MFSD2B: variants seen among roughly 807,000 people sequenced by gnomAD.
MFSD2B encodes the protein MFSD2 lysolipid transporter B, sphingolipid, also known as sphingosine-1-phosphate transporter MFSD2B.
In MFSD2B, 56 loss-of-function variants were observed where a neutral mutation model predicts 58.4. That is an observed-to-expected ratio of 0.96 (90% CI 0.77 to 1.20). MFSD2B has a LOEUF of 1.20. Ranked by LOEUF, MFSD2B falls within the 50% of genes most tolerant of loss-of-function variation. The pLI, the probability that MFSD2B is intolerant of heterozygous loss-of-function variation, is 0.00. For missense variants in MFSD2B, 645 were observed against 667.6 expected, an observed-to-expected ratio of 0.97 and a Z score of 0.37; for synonymous variants, 287 against 294.4, an observed-to-expected ratio of 0.97 and a Z score of 0.26.
Position 24,025,736 on chromosome 2 carries a change from G to A in MFSD2B, c.*280G>A, listed in dbSNP as rs1662958602. Reference sequence around the variant, plus strand: ...GAAAAAGGAAGCTCCTGCCCAACCTGGCTTGTGGACCAGTAATATCTGTGG... The same window carrying A: ...GAAAAAGGAAGCTCCTGCCCAACCTAGCTTGTGGACCAGTAATATCTGTGG... On this transcript the variant is annotated 3_prime_UTR_variant, in exon 14 of 14. Transcript: ENST00000338315. The A allele has an allele frequency of 2.3e-6, 1 of 426,868 alleles. No homozygotes were observed. The allele number at this position is 426,868 out of a possible 1,614,324, so 26.4% of individuals were successfully genotyped here.
Position 24,010,117 on chromosome 2 carries a change from A to G in MFSD2B, c.21A>G (p.Pro7=), listed in dbSNP as rs543378642. The change falls in exon 1 of 14, where the codon CCA becomes CCG. Residue 7 remains proline, a synonymous_variant. Coordinates refer to ENST00000338315, the MANE Select transcript of MFSD2B (RefSeq NM_001346880.2). MAAPPA[P]AAKGSPQPEP... ...TGGCAATGGCGGCGCCCCCTGCACC[A>G]GCCGCCAAGGGGTCCCCGCAGCCGG... is the stretch of plus-strand genomic sequence containing the variant. The G allele has an allele frequency of 6.7e-4, 984 of 1,460,810 alleles. 5 individuals carry two copies. The Middle Eastern group carries it at 0.011, about 17-fold the overall frequency. The allele number at this position is 1,460,810 out of a possible 1,614,324, so 90.5% of individuals were successfully genotyped here.
Position 24,021,895 on chromosome 2 carries a change from G to T in MFSD2B, c.819G>T (p.Gly273=), listed in dbSNP as rs1206332479. 3.1e-6 allele frequency: 5 copies of T among 1,613,978 alleles called. No homozygotes were observed. Among genetic ancestry groups the T allele is most frequent in the Non-Finnish European group, 1.7e-6 (2 of 1,179,882 alleles). Residue 273 remains glycine, a synonymous_variant, in exon 8 of 14, where the codon GGG becomes GGT. Transcript: ENST00000338315. The surrounding 1 kb of genome is among the most constrained non-coding windows in gnomAD (Gnocchi z 5.7). ...ASGPGLSFLA[G]LSLTTRHPPY... ...GCCCAGGCTTGAGTTTCCTGGCTGG[G>T]CTGAGCCTCACTACCCGGCACCCAC...
Position 24,022,078 on chromosome 2 carries a change from G to A in MFSD2B, c.894+108G>A. The stretch of plus-strand genomic sequence containing the variant: ...GTTTTATAGGGAGAAACCTGCGGCT[G>A]GCACATGGCTCAGAGGGGCTGGTGC... On this transcript the variant is annotated intron_variant, in intron 8 of 13. Transcript: ENST00000338315. This position sits in a 1 kb window ranked among gnomAD's most constrained non-coding sequence, Gnocchi z 4.5. 1 of 1,334,444 alleles carries A rather than the reference G, an allele frequency of 7.5e-7. No homozygotes were observed. The highest frequency in any genetic ancestry group is 1.8e-5 in the Admixed American group (1 of 54,792). 82.7% of individuals were successfully genotyped at this position (1,334,444 alleles called of 1,614,324 possible).
rs546935421 is a variant in MFSD2B, at chr2:24,012,537, C to T, written c.97-748C>T. 8.5e-5 allele frequency among the ~76,000 whole-genome samples: 13 copies of T among 152,266 alleles called. No individual in the cohort carries two copies. The highest frequency in any genetic ancestry group is 2.4e-4 in the African/African-American group (10 of 41,550). On this transcript the variant is annotated intron_variant, in intron 1 of 13. Coordinates refer to ENST00000338315, the MANE Select transcript of MFSD2B (RefSeq NM_001346880.2). This position sits in a 1 kb window ranked among gnomAD's most constrained non-coding sequence, Gnocchi z 4.5. ...GGGTTTATAGGGATGAGCCACTGTG[C>T]GATTTATGTTATTACAAGAGCACTG... is the stretch of plus-strand genomic sequence containing the variant.
chr2:24,019,347 C>T (rs781754262), intron 6 of MFSD2B, among the ~76,000 whole-genome samples: 5 of 152,054 alleles, frequency 3.3e-5, no homozygotes, highest in African/African-American at 4.8e-5. Context: ...CAAGCCCTCC[C>T]GGGGATTCTG....
Position 24,024,037 on chromosome 2 carries a change from CACCCAG to C in MFSD2B, c.1314-57_1314-52del. 3.2e-6 allele frequency: 5 copies of C among 1,562,726 alleles called. No homozygotes were observed. The highest frequency in any genetic ancestry group is 4.5e-5 in the East Asian group (2 of 44,430). On this transcript the variant is annotated intron_variant, in intron 12 of 13. Transcript: ENST00000338315. This position sits in a 1 kb window ranked among gnomAD's most constrained non-coding sequence, Gnocchi z 4.3. ...GGTGGGGTGAGGTGTCGAGTCCCTC[CACCCAG>C]GGTGCCAGGCTCAGCAGGCCCTGCC...
chr2:24,012,174 AC>A lies in MFSD2B; in HGVS notation c.97-1110del, dbSNP rs367658749. On this transcript the variant is annotated intron_variant, in intron 1 of 13. Transcript: ENST00000338315. The surrounding 1 kb of genome is among the most constrained non-coding windows in gnomAD (Gnocchi z 4.5). ...AAAACACACACACACACACACACACACACACAAAAACAGACAAAAAAACCCT... is the reference window on the plus strand; with the variant it reads ...AAAACACACACACACACACACACACAACACAAAAACAGACAAAAAAACCCT... Among the ~76,000 whole-genome samples the A allele has an allele frequency of 8.5e-3, 379 of 44,528 alleles. 7 individuals are homozygous for A. Among genetic ancestry groups the A allele is most frequent in the African/African-American group, 0.014 (253 of 18,226 alleles). 29.2% of individuals were successfully genotyped at this position (44,528 alleles called of 152,430 possible).
Position 24,010,131 on chromosome 2 carries a change from C to T in MFSD2B, c.35C>T (p.Ser12Phe). 3 of 1,462,556 alleles carry T rather than the reference C, an allele frequency of 2.1e-6. No individual in the cohort carries two copies. The highest frequency in any genetic ancestry group is 1.8e-6 in the Non-Finnish European group (2 of 1,113,872). 90.6% of individuals were successfully genotyped at this position (1,462,556 alleles called of 1,614,324 possible). A position where few individuals can be genotyped will look rare whatever the true frequency, so the allele number is the denominator to read the frequency against. Residue 12 changes from serine (S) to phenylalanine (F), a missense_variant, in exon 1 of 14, where the codon TCC becomes TTC. Ser to Phe is a radical substitution (Grantham distance 155). Transcript: ENST00000338315. The part of the protein sequence containing the change: ...AAPPAPAAKG[S>F]PQPEPHAPEP... ...CCCCCTGCACCAGCCGCCAAGGGGT[C>T]CCCGCAGCCGGAGCCGCACGCCCCA...
Position 24,022,983 on chromosome 2 carries a change from G to A in MFSD2B, c.1059+81G>A. 7.1e-7 allele frequency: 1 copy of A among 1,403,364 alleles called. No homozygotes were observed. The highest frequency in any genetic ancestry group is 1.0e-6 in the Non-Finnish European group (1 of 1,004,954). The allele number at this position is 1,403,364 out of a possible 1,614,324, so 86.9% of individuals were successfully genotyped here. ...GTGACCTTGGTGCCTGAGCCTCCTG[G>A]GGCCAGCAGGGGTGGATCTGTGTTC... On this transcript the variant is annotated intron_variant, in intron 10 of 13. Transcript: ENST00000338315. This position sits in a 1 kb window ranked among gnomAD's most constrained non-coding sequence, Gnocchi z 4.5.
At chr2:24,010,254 T>G in intron 1 of MFSD2B, 62 bp downstream of exon 1, 1 of 1,227,130 alleles carries the variant, frequency 8.1e-7, no homozygotes, top group Admixed American at 4.1e-5. Flanking sequence ...GGGCGTCGCC[T>G]CGCAGCCCCT....
At chr2:24,013,039 G>T in intron 1 of MFSD2B, 1 of 360,562 alleles carries the variant, frequency 2.8e-6, no homozygotes, top group Non-Finnish European at 5.0e-6. Context: ...GGCTTCAGCA[G>T]GAAGCCCAGG....
chr2:24,011,172 G>T (rs1373870011), intron 1 of MFSD2B, among the ~76,000 whole-genome samples: 1 of 152,240 alleles, frequency 6.6e-6, no homozygotes, highest in African/African-American at 2.4e-5. Flanking sequence ...CTCCCAAGGG[G>T]CTTCTCCTTG....
chr2:24,020,421 C>A lies in MFSD2B; in HGVS notation c.682-1227C>A, dbSNP rs924297326. Among the ~76,000 whole-genome samples the A allele has an allele frequency of 1.3e-5, 2 of 152,154 alleles. No individual in the cohort carries two copies. The highest frequency in any genetic ancestry group is 2.9e-5 in the Non-Finnish European group (2 of 68,016). ...CCAGGGCGGTTGCACAGGATGAGTG[C>A]CCTGCCCCACCCTGCGCCCTCCCTC... On this transcript the variant is annotated intron_variant, in intron 6 of 13. Transcript: ENST00000338315. This position sits in a 1 kb window ranked among gnomAD's most constrained non-coding sequence, Gnocchi z 4.1.
intron 6 of MFSD2B, among the ~76,000 whole-genome samples, chr2:24,019,836 A>G (rs769627833): frequency 6.6e-6 from 1 of 152,210 alleles, no homozygotes; most frequent in African/African-American, 2.4e-5. Flanking sequence ...GTGTCCACTA[A>G]GCACCTGGAT....
At chr2:24,013,737 C>T (rs1199075286) in intron 2 of MFSD2B, among the ~76,000 whole-genome samples, 1 of 137,972 alleles carries the variant, frequency 7.2e-6, no homozygotes, top group African/African-American at 2.8e-5. Context: ...TGTAAACTTT[C>T]TTAAAACAGT....
chr2:24,017,063 T>TGC lies in MFSD2B; in HGVS notation c.471+95_471+96insGC. The TGC allele has an allele frequency of 1.4e-6, 2 of 1,452,140 alleles. No individual in the cohort carries two copies. The highest frequency in any genetic ancestry group is 1.8e-6 in the Non-Finnish European group (2 of 1,085,566). 90.0% of individuals were successfully genotyped at this position (1,452,140 alleles called of 1,614,324 possible). On this transcript the variant is annotated intron_variant, in intron 4 of 13. Transcript: ENST00000338315. This position sits in a 1 kb window ranked among gnomAD's most constrained non-coding sequence, Gnocchi z 4.8. ...TGCTGTGGGGGCAGGGCTGCCGCCC[T>TGC]CCCCACCCGCCTGTGCCTGGACCAT...
Position 24,016,209 on chromosome 2 carries a change from G to T in MFSD2B, c.276G>T (p.Ala92=). 2.5e-6 allele frequency: 4 copies of T among 1,613,982 alleles called. No individual in the cohort carries two copies. Among genetic ancestry groups the T allele is most frequent in the Non-Finnish European group, 3.4e-6 (4 of 1,179,886 alleles). ...TGTTTGGGGGAAAAGTGTCTGGGGC[G>T]GCTGCTGACCCTGTGGCTGGGTTCT... is the stretch of plus-strand genomic sequence containing the variant. ...LVLFGGKVSG[A]AADPVAGFFI... The change falls in exon 3 of 14, where the codon GCG becomes GCT. Residue 92 remains alanine (A), a synonymous_variant. Coordinates refer to ENST00000338315, the MANE Select transcript of MFSD2B (RefSeq NM_001346880.2).
chr2:24,023,750 G>A lies in MFSD2B; in HGVS notation c.1313+24G>A, dbSNP rs761215664. The A allele has an allele frequency of 6.2e-7, 1 of 1,610,740 alleles. No homozygotes were observed. The highest frequency in any genetic ancestry group is 2.2e-5 in the East Asian group (1 of 44,812). Reference sequence around the variant, plus strand: ...GAGTGAGTCCCAGGGTTAGGATACAGCAGAGGCACCAAGGACCAGTGGGCA... The same window carrying A: ...GAGTGAGTCCCAGGGTTAGGATACAACAGAGGCACCAAGGACCAGTGGGCA... On this transcript the variant is annotated intron_variant, in intron 12 of 13. Coordinates refer to ENST00000338315, the MANE Select transcript of MFSD2B (RefSeq NM_001346880.2). The surrounding 1 kb of genome is among the most constrained non-coding windows in gnomAD (Gnocchi z 5.0).
Position 24,017,684 on chromosome 2 carries a change from G to A in MFSD2B, c.681+96G>A. 5 of 1,359,686 alleles carry A rather than the reference G, an allele frequency of 3.7e-6. No individual in the cohort carries two copies. Among genetic ancestry groups the A allele is most frequent in the Non-Finnish European group, 4.9e-6 (5 of 1,011,380 alleles). 84.2% of individuals were successfully genotyped at this position (1,359,686 alleles called of 1,614,324 possible). On this transcript the variant is annotated intron_variant, in intron 6 of 13. Transcript: ENST00000338315. This position sits in a 1 kb window ranked among gnomAD's most constrained non-coding sequence, Gnocchi z 4.8. ...CTGGTTCTCCCGTCCACACCACTTT[G>A]TTGTCTTTTAGGGGGCTCACTGTGC...
Sources: allele counts gnomAD v4.1 joint callset (sites outside exome capture counted in the v4.1 genomes callset), GRCh38; gene constraint gnomAD v4.1.1; non-coding constraint Gnocchi (gnomAD v3.1); transcripts MANE v1.5; gene names NCBI Gene and HGNC (gene_info 2026-07-23, HGNC 2026-07-21).